Variants in HIVEP3 observed in about 807,000 individuals in gnomAD.
The protein encoded by HIVEP3 is transcription factor HIVEP3.
In HIVEP3, 49 loss-of-function variants were observed where a neutral mutation model predicts 152.8. The ratio of observed to expected loss-of-function variants is 0.32; its 90% CI spans 0.26 to 0.41. The LOEUF (loss-of-function observed/expected upper bound fraction) is 0.41, where lower values mean the gene tolerates loss of function less well. HIVEP3 is among the 10% of genes least tolerant of loss of function. HIVEP3 has a pLI of 1.00. For missense variants in HIVEP3, 2,790 were observed against 3,103.3 expected, an observed-to-expected ratio of 0.90 and a Z score of 2.40; for synonymous variants, 1,269 against 1,289.0, an observed-to-expected ratio of 0.98 and a Z score of 0.33.
chr1:41,612,743 TA>T (rs1428010126), intron 3 of HIVEP3, among the ~76,000 whole-genome samples: 1 of 152,098 alleles, frequency 6.6e-6, no homozygotes, highest in Non-Finnish European at 1.5e-5. Flanking sequence ...TTTGCTGGCT[TA>T]AAAAATGAAT....
At chr1:41,742,344 A>G (rs1430300690) in intron 1 of HIVEP3, among the ~76,000 whole-genome samples, 1 of 152,188 alleles carries the variant, frequency 6.6e-6, no homozygotes, top group Non-Finnish European at 1.5e-5. Flanking sequence ...AAGGGCTCCA[A>G]ACAAAAAAGA....
intron 2 of HIVEP3, among the ~76,000 whole-genome samples, chr1:41,648,342 C>A (rs777325725): frequency 6.7e-6 from 1 of 149,050 alleles, no homozygotes. Flanking sequence ...CACATTTCAT[C>A]CCTCACCTCC....
At chr1:41,877,984 A>T (rs369248844) in intron 1 of HIVEP3, among the ~76,000 whole-genome samples, 5 of 152,224 alleles carry the variant, frequency 3.3e-5, no homozygotes, top group Admixed American at 2.6e-4. Flanking sequence ...TAGAGAAAGG[A>T]TGAAGACATA....
intron 5 of HIVEP3, among the ~76,000 whole-genome samples, chr1:41,553,169 A>C (rs905742814): frequency 2.0e-5 from 3 of 152,162 alleles, no homozygotes; most frequent in Admixed American, 2.0e-4. Context: ...TTGCTTTATG[A>C]ATCTGGTTGC....
At chr1:42,015,858 T>C (rs1170367373) in intron 1 of HIVEP3, among the ~76,000 whole-genome samples, 1 of 152,270 alleles carries the variant, frequency 6.6e-6, no homozygotes, top group East Asian at 1.9e-4. Flanking sequence ...CTGCCAATTC[T>C]CCATCATCCT....
intron 1 of HIVEP3, among the ~76,000 whole-genome samples, chr1:41,821,259 G>A (rs78295797): frequency 0.014 from 2,120 of 152,178 alleles, 26 homozygotes; most frequent in Non-Finnish European, 0.021. Context: ...TCCTCACTCC[G>A]TCTTCTCAGG....
intron 5 of HIVEP3, among the ~76,000 whole-genome samples, chr1:41,575,050 A>G (rs1431421237): frequency 3.6e-4 from 55 of 152,250 alleles, no homozygotes; most frequent in Admixed American, 3.6e-3. Context: ...GATAGGGACC[A>G]GTGGAAACAC....
At chr1:41,703,329 C>G (rs1646389738) in intron 1 of HIVEP3, among the ~76,000 whole-genome samples, 1 of 152,148 alleles carries the variant, frequency 6.6e-6, no homozygotes, top group Admixed American at 6.5e-5. Context: ...TTTAACATGA[C>G]TGTTGGAAAA....
chr1:41,735,913 G>C (rs1421990496), intron 1 of HIVEP3, among the ~76,000 whole-genome samples: 1 of 152,132 alleles, frequency 6.6e-6, no homozygotes, highest in Non-Finnish European at 1.5e-5. Context: ...GGGGGCTCTG[G>C]GGGAAGAAGG....
intron 1 of HIVEP3, among the ~76,000 whole-genome samples, chr1:41,993,373 T>C (rs573693726): frequency 0.012 from 1,876 of 150,556 alleles, 33 homozygotes; most frequent in African/African-American, 0.044. Context: ...AGAAGACATT[T>C]ATGCAGCCAA....
At chr1:41,769,184 T>C (rs1485216653) in intron 1 of HIVEP3, among the ~76,000 whole-genome samples, 1 of 152,166 alleles carries the variant, frequency 6.6e-6, no homozygotes, top group Non-Finnish European at 1.5e-5. Context: ...AAAACAACAG[T>C]GTATCAAAAG....
rs531574313 is a variant in HIVEP3, at chr1:41,918,013, C to T, written c.-801+400G>A. Among the ~76,000 whole-genome samples the T allele has an allele frequency of 8.5e-5, 13 of 152,356 alleles. No individual in the cohort carries two copies. Among genetic ancestry groups the T allele is most frequent in the Admixed American group, 4.6e-4 (7 of 15,310 alleles). ...CGATGCCTAAGCCCCCCAGCCGAGG[C>T]TCCTATGGAGCCGGCCGCCAGTGCG... is the stretch of plus-strand genomic sequence containing the variant. On this transcript the variant is annotated intron_variant, in intron 1 of 8. Transcript: ENST00000372583. This position sits in a 1 kb window ranked among gnomAD's most constrained non-coding sequence, Gnocchi z 4.3.
chr1:41,838,499 G>A (rs756438115), intron 1 of HIVEP3, among the ~76,000 whole-genome samples: 15 of 152,068 alleles, frequency 9.9e-5, no homozygotes, highest in Non-Finnish European at 1.6e-4. Flanking sequence ...GGTCGGCCTC[G>A]GATCTGGCCT....
At chr1:41,685,552 T>C (rs1646101787) in intron 2 of HIVEP3, among the ~76,000 whole-genome samples, 1 of 152,210 alleles carries the variant, frequency 6.6e-6, no homozygotes, top group South Asian at 2.1e-4. Flanking sequence ...AAGTGGGCCA[T>C]GCTGCTTTGC....
At chr1:41,874,446 C>T (rs112710240) in intron 1 of HIVEP3, among the ~76,000 whole-genome samples, 69 of 152,288 alleles carry the variant, frequency 4.5e-4, no homozygotes, top group African/African-American at 1.3e-3. Context: ...GGTATGTCTA[C>T]CACCTGGGGC....
chr1:41,591,482 T>C (rs1162142894), intron 3 of HIVEP3, among the ~76,000 whole-genome samples: 2 of 152,042 alleles, frequency 1.3e-5, no homozygotes, highest in Non-Finnish European at 2.9e-5. Flanking sequence ...TCTGACTTTA[T>C]GGGATACTTT....
intron 1 of HIVEP3, among the ~76,000 whole-genome samples, chr1:41,886,167 G>A (rs1382404409): frequency 8.5e-5 from 13 of 152,110 alleles, no homozygotes; most frequent in Non-Finnish European, 2.9e-5. Flanking sequence ...TGTTCATATT[G>A]AATGGTGTTA....
chr1:41,691,335 G>GA (rs1255407948), intron 2 of HIVEP3, among the ~76,000 whole-genome samples: 4 of 152,084 alleles, frequency 2.6e-5, no homozygotes, highest in African/African-American at 9.7e-5. Flanking sequence ...AAGAAGAAGA[G>GA]AAAAAAATCC....
chr1:41,569,190 CCA>C (rs1644215579), intron 5 of HIVEP3, among the ~76,000 whole-genome samples: 1 of 152,156 alleles, frequency 6.6e-6, no homozygotes, highest in South Asian at 2.1e-4. Flanking sequence ...TATAAATTTC[CCA>C]GTCTTCAGTA....
Sources: allele counts gnomAD v4.1 joint callset (sites outside exome capture counted in the v4.1 genomes callset), GRCh38; gene constraint gnomAD v4.1.1; non-coding constraint Gnocchi (gnomAD v3.1); transcripts MANE v1.5; gene names NCBI Gene and HGNC (gene_info 2026-07-23, HGNC 2026-07-21).